The following ARID4B variants were observed in gnomAD, a reference collection of about 807,000 sequenced individuals.
The protein encoded by ARID4B is AT-rich interaction domain 4B, also known as AT-rich interactive domain-containing protein 4B.
Under a neutral mutation model 147.5 loss-of-function variants are expected in ARID4B, and 26 were observed. The observed-to-expected ratio is 0.18, with a 90% CI of 0.13 to 0.24. ARID4B has a LOEUF of 0.24. Ranked by LOEUF, ARID4B falls within the 10% of genes least tolerant of loss-of-function variation. The pLI is 1.00. For missense variants in ARID4B, 1,179 were observed against 1,511.5 expected, an observed-to-expected ratio of 0.78 and a Z score of 3.65; for synonymous variants, 512 against 507.9, an observed-to-expected ratio of 1.01 and a Z score of -0.11.
At position 235,221,670 on chromosome 1, in the gene ARID4B, A is replaced by G; in HGVS notation, c.1066-8T>C. On this transcript the variant is annotated splice_region_variant and splice_polypyrimidine_tract_variant and intron_variant, in intron 13 of 23. Transcript: ENST00000264183. ...AACAGCTCCACTTTCAATCTAATGG[A>G]CAAAGTGAAACAAAAACTCTCAAAT... 2.0e-6 allele frequency: 3 copies of G among 1,490,844 alleles called. No homozygotes were observed. Among genetic ancestry groups the G allele is most frequent in the Non-Finnish European group, 1.9e-6 (2 of 1,072,788 alleles). The allele number at this position is 1,490,844 out of a possible 1,614,324, so 92.4% of individuals were successfully genotyped here. A position where few individuals can be genotyped will look rare whatever the true frequency, so the allele number is the denominator to read the frequency against.
chr1:235,257,744 G>T (rs1037754948), intron 3 of ARID4B, among the ~76,000 whole-genome samples: 6 of 152,134 alleles, frequency 3.9e-5, no homozygotes, highest in Admixed American at 3.9e-4. Flanking sequence ...ACCTACCAGA[G>T]TGCTGGGATT....
intron 17 of ARID4B, among the ~76,000 whole-genome samples, chr1:235,208,481 A>G (rs1666473764): frequency 6.6e-6 from 1 of 151,982 alleles, no homozygotes; most frequent in South Asian, 2.1e-4. Flanking sequence ...ACACACTATA[A>G]TATTAGTAAT....
intron 2 of ARID4B, among the ~76,000 whole-genome samples, chr1:235,272,965 G>C (rs1467526608): frequency 1.3e-5 from 2 of 152,160 alleles, no homozygotes; most frequent in Non-Finnish European, 2.9e-5. Flanking sequence ...AGAATGATAG[G>C]GGCATTGGTA....
intron 20 of ARID4B, among the ~76,000 whole-genome samples, chr1:235,178,898 T>C (rs2102914640): frequency 6.6e-6 from 1 of 152,204 alleles, no homozygotes; most frequent in South Asian, 2.1e-4. Context: ...CTTTTCCTAA[T>C]ACCTTTTTAA....
Position 235,249,863 on chromosome 1 carries a change from A to C in ARID4B, c.354+2867T>G, listed in dbSNP as rs1472709741. 2.7e-5 allele frequency among the ~76,000 whole-genome samples: 4 copies of C among 150,736 alleles called. No individual in the cohort carries two copies. In the South Asian group the frequency reaches 6.3e-4, roughly 24 times the overall value. Reference sequence around the variant, plus strand: ...GCTGAGGCAGGAGAATCACTTGAACACGGGAGGCAGAGGTTGCAGTGAGCC... The same window carrying C: ...GCTGAGGCAGGAGAATCACTTGAACCCGGGAGGCAGAGGTTGCAGTGAGCC... On this transcript the variant is annotated intron_variant, in intron 6 of 23. Transcript: ENST00000264183.
intron 11 of ARID4B, among the ~76,000 whole-genome samples, chr1:235,227,836 T>C (rs1320463270): frequency 1.3e-5 from 2 of 149,910 alleles, no homozygotes; most frequent in East Asian, 1.9e-4. Context: ...TGCTATTTTT[T>C]TTTTTTTTTT....
At chr1:235,201,142 C>A (rs1347342310) in intron 17 of ARID4B, among the ~76,000 whole-genome samples, 3 of 151,692 alleles carry the variant, frequency 2.0e-5, no homozygotes, top group Non-Finnish European at 4.4e-5. Context: ...GAGACTCTGT[C>A]TCCAAAAAAA....
intron 2 of ARID4B, among the ~76,000 whole-genome samples, chr1:235,321,988 A>G (rs143828042): frequency 0.033 from 5,065 of 152,094 alleles, 123 homozygotes; most frequent in Non-Finnish European, 0.046. Context: ...GGTTCAAGCA[A>G]TTCTCAACAA....
At chr1:235,223,607 A>G (rs1419412130) in intron 12 of ARID4B, among the ~76,000 whole-genome samples, 1 of 150,216 alleles carries the variant, frequency 6.7e-6, no homozygotes, top group African/African-American at 2.4e-5. Flanking sequence ...CTTCCCAATA[A>G]GAGTTACTTT....
At chr1:235,222,465 T>A (rs1667534327) in intron 13 of ARID4B, among the ~76,000 whole-genome samples, 1 of 152,150 alleles carries the variant, frequency 6.6e-6, no homozygotes, top group Admixed American at 6.5e-5. Flanking sequence ...CAACAAACAT[T>A]TCCTGCTTTA....
chr1:235,284,205 C>A (rs905786211), intron 2 of ARID4B, among the ~76,000 whole-genome samples: 3 of 152,050 alleles, frequency 2.0e-5, no homozygotes, highest in African/African-American at 7.2e-5. Flanking sequence ...ACTAAACATA[C>A]AAAAATTAGC....
intron 21 of ARID4B, 74 bp downstream of exon 21, chr1:235,177,726 T>C: frequency 1.0e-6 from 1 of 978,456 alleles, no homozygotes; most frequent in Non-Finnish European, 1.6e-6. Context: ...ATACCCTGAA[T>C]ACCATTTTCT....
chr1:235,224,809 C>A, intron 11 of ARID4B, 34 bp from the exon 12 acceptor site: 1 of 1,405,470 alleles, frequency 7.1e-7, no homozygotes, highest in Non-Finnish European at 9.9e-7. Flanking sequence ...TTATTTTCTT[C>A]AATTAAGCAT....
intron 2 of ARID4B, among the ~76,000 whole-genome samples, chr1:235,302,153 G>GAAAAAAAGAAAAAAA (rs1673197041): frequency 3.3e-5 from 1 of 30,668 alleles, no homozygotes; most frequent in Non-Finnish European, 5.5e-5. Context: ...TCAAAAAACG[G>GAAAAAAAGAAAAAAA]AAAAAAAAAA....
At chr1:235,252,676 A>G (rs1180295590) in intron 6 of ARID4B, 54 bp downstream of exon 6, 28 of 1,530,400 alleles carry the variant, frequency 1.8e-5, no homozygotes, top group Non-Finnish European at 2.4e-5. Context: ...GCAAAAATTT[A>G]TTCCTCCCAA....
chr1:235,327,007 G>C, intron 1 of ARID4B, 39 bp from the exon 2 acceptor site: 2 of 1,398,844 alleles, frequency 1.4e-6, no homozygotes, highest in Non-Finnish European at 2.0e-6. Context: ...AACACCACAG[G>C]AGCCCCTCTG....
intron 16 of ARID4B, among the ~76,000 whole-genome samples, chr1:235,218,366 TA>T (rs1277039963): frequency 1.3e-5 from 2 of 152,094 alleles, no homozygotes; most frequent in Non-Finnish European, 2.9e-5. Context: ...CTTAAAAAAT[TA>T]GCAAAGAAAA....
intron 22 of ARID4B, 75 bp from the exon 23 acceptor site, chr1:235,172,839 C>T: frequency 8.1e-7 from 1 of 1,228,350 alleles, no homozygotes; most frequent in East Asian, 2.7e-5. Context: ...GAACATCGAG[C>T]ATGGCTGCTG....
At chr1:235,303,721 C>T (rs1186105722) in intron 2 of ARID4B, among the ~76,000 whole-genome samples, 2 of 152,128 alleles carry the variant, frequency 1.3e-5, no homozygotes, top group Admixed American at 6.5e-5. Context: ...ACAGCGAGAC[C>T]CTGTCTAAAA....
Sources: gnomAD v4.1 joint callset for allele counts (sites outside exome capture counted in the v4.1 genomes callset) on GRCh38, gnomAD v4.1.1 for gene constraint, MANE v1.5 for transcripts, NCBI Gene and HGNC (gene_info 2026-07-23, HGNC 2026-07-21) for gene names.